Variants in FHOD3 observed in about 807,000 individuals in gnomAD.
FHOD3 encodes FH1/FH2 domain-containing protein 3.
In FHOD3, 90 loss-of-function variants were observed where a neutral mutation model predicts 173.0. That is an observed-to-expected ratio of 0.52 (90% CI 0.44 to 0.62). The LOEUF (loss-of-function observed/expected upper bound fraction) is 0.62, where lower values mean the gene tolerates loss of function less well. Among genes scored for constraint, FHOD3 ranks in the 20% least tolerant of loss-of-function variants. The probability of loss-of-function intolerance (pLI) is 0.00; values close to 1 mark genes in which losing one functional copy is unlikely to be tolerated. For missense variants in FHOD3, 1,945 were observed against 2,034.7 expected, an observed-to-expected ratio of 0.96 and a Z score of 0.85; for synonymous variants, 828 against 823.0, an observed-to-expected ratio of 1.01 and a Z score of -0.10.
intron 1 of FHOD3, among the ~76,000 whole-genome samples, chr18:36,308,614 T>C (rs534906085): frequency 6.6e-6 from 1 of 152,332 alleles, no homozygotes; most frequent in East Asian, 1.9e-4. Flanking sequence ...GGCTGTGCAC[T>C]GAGCACCTTC....
chr18:36,601,369 C>G (rs940770454), intron 7 of FHOD3, among the ~76,000 whole-genome samples: 1 of 152,176 alleles, frequency 6.6e-6, no homozygotes, highest in Non-Finnish European at 1.5e-5. Context: ...TCCTCTTAAA[C>G]AAATCCCCTT....
chr18:36,742,335 G>A (rs929874975), intron 21 of FHOD3, among the ~76,000 whole-genome samples: 1 of 152,146 alleles, frequency 6.6e-6, no homozygotes, highest in Non-Finnish European at 1.5e-5. Context: ...GGCAGTTCAG[G>A]GACATCGAGC....
chr18:36,672,787 C>T (rs915874191), intron 14 of FHOD3, among the ~76,000 whole-genome samples: 3 of 152,164 alleles, frequency 2.0e-5, no homozygotes, highest in Non-Finnish European at 2.9e-5. Context: ...AAGAGTGACC[C>T]GCTGACTGTT....
chr18:36,519,193 A>T (rs1244615892), intron 5 of FHOD3, among the ~76,000 whole-genome samples: 2 of 152,196 alleles, frequency 1.3e-5, no homozygotes, highest in African/African-American at 4.8e-5. Context: ...GTACGGGTGC[A>T]GAGGACCCCA....
chr18:36,562,886 G>T (rs956254505), intron 5 of FHOD3, among the ~76,000 whole-genome samples: 1 of 152,202 alleles, frequency 6.6e-6, no homozygotes, highest in East Asian at 1.9e-4. Context: ...GAGATCCAAG[G>T]CGTGAGGAGG....
At chr18:36,709,437 G>A in intron 18 of FHOD3, 46 bp downstream of exon 18, 1 of 1,570,834 alleles carries the variant, frequency 6.4e-7, no homozygotes, top group Admixed American at 1.7e-5. Context: ...AGGGAGGCCT[G>A]GGGTGCAGGG....
chr18:36,737,029 C>CA (rs1460558939), intron 20 of FHOD3, among the ~76,000 whole-genome samples: 54 of 152,300 alleles, frequency 3.5e-4, no homozygotes, highest in African/African-American at 1.2e-3. Flanking sequence ...CATCTGCTCA[C>CA]AAAAAACAAG....
At chr18:36,482,856 CACAGAGAGAGAGAGAGAG>C (rs1435955083) in intron 3 of FHOD3, among the ~76,000 whole-genome samples, 1 of 64,068 alleles carries the variant, frequency 1.6e-5, no homozygotes, top group African/African-American at 5.6e-5. Context: ...CTCACACACA[CACAGAGAGAGAGAGAGAG>C]AGAGAGAGAG....
intron 14 of FHOD3, among the ~76,000 whole-genome samples, chr18:36,666,346 C>A (rs2037180068): frequency 6.6e-6 from 1 of 152,188 alleles, no homozygotes; most frequent in Non-Finnish European, 1.5e-5. Context: ...CTGGGGCTTG[C>A]TGGTTTCATC....
chr18:36,421,014 A>T (rs1167071823), intron 3 of FHOD3, among the ~76,000 whole-genome samples: 2 of 152,324 alleles, frequency 1.3e-5, no homozygotes, highest in South Asian at 2.1e-4. Flanking sequence ...AAATTTGGCC[A>T]TGACTCAGCC....
chr18:36,502,148 A>T (rs1387072003), intron 4 of FHOD3, 149 bp downstream of exon 4: 2 of 425,656 alleles, frequency 4.7e-6, no homozygotes, highest in Non-Finnish European at 8.5e-6. Context: ...TTAGGTCATA[A>T]TATCAGTTGA....
chr18:36,492,015 G>A (rs1238963981), intron 3 of FHOD3, among the ~76,000 whole-genome samples: 1 of 152,132 alleles, frequency 6.6e-6, no homozygotes, highest in Non-Finnish European at 1.5e-5. Flanking sequence ...TTTACAGAAA[G>A]CAAGACTCCA....
At chr18:36,527,872 C>G (rs2056599650) in intron 5 of FHOD3, among the ~76,000 whole-genome samples, 2 of 152,106 alleles carry the variant, frequency 1.3e-5, no homozygotes, top group African/African-American at 4.8e-5. Flanking sequence ...TATGTTGAGC[C>G]CTCCACCATC....
intron 5 of FHOD3, among the ~76,000 whole-genome samples, chr18:36,552,019 C>T (rs1260002339): frequency 1.3e-5 from 2 of 152,034 alleles, no homozygotes; most frequent in South Asian, 2.1e-4. Flanking sequence ...AGTAGTTTTT[C>T]CCAATTCTGT....
intron 19 of FHOD3, among the ~76,000 whole-genome samples, chr18:36,727,796 A>T (rs1442986197): frequency 1.3e-5 from 2 of 152,190 alleles, no homozygotes; most frequent in African/African-American, 4.8e-5. Flanking sequence ...CTGGAATCTG[A>T]GTAGTGCTTC....
At chr18:36,375,646 G>C (rs1437836819) in intron 3 of FHOD3, among the ~76,000 whole-genome samples, 2 of 152,204 alleles carry the variant, frequency 1.3e-5, no homozygotes, top group Non-Finnish European at 2.9e-5. Flanking sequence ...CACCCTTTGG[G>C]ATGAGAGTGT....
chr18:36,368,115 C>T (rs2046995422), intron 2 of FHOD3, among the ~76,000 whole-genome samples: 1 of 152,024 alleles, frequency 6.6e-6, no homozygotes, highest in Admixed American at 6.6e-5. Flanking sequence ...CTCTCTCTCT[C>T]TCTCTCATCT....
intron 27 of FHOD3, among the ~76,000 whole-genome samples, chr18:36,762,614 G>A (rs1214261579): frequency 6.6e-6 from 1 of 151,916 alleles, no homozygotes; most frequent in African/African-American, 2.4e-5. Flanking sequence ...CTGGCCAACC[G>A]GGTGAAACCC....
intron 3 of FHOD3, among the ~76,000 whole-genome samples, chr18:36,481,864 G>A (rs954854435): frequency 3.9e-5 from 6 of 152,106 alleles, no homozygotes; most frequent in Admixed American, 3.9e-4. Flanking sequence ...TTCTGAAACT[G>A]TGACTTCTGC....
Sources: gnomAD v4.1 joint callset for allele counts (sites outside exome capture counted in the v4.1 genomes callset) on GRCh38, gnomAD v4.1.1 for gene constraint, MANE v1.5 for transcripts, NCBI Gene and HGNC (gene_info 2026-07-23, HGNC 2026-07-21) for gene names.